The following DENND4A variants were observed in gnomAD, a reference collection of about 807,000 sequenced individuals.
DENND4A encodes C-myc promoter-binding protein.
In DENND4A, 70 loss-of-function variants were observed where a neutral mutation model predicts 199.3. The observed-to-expected ratio is 0.35, with a 90% confidence interval of 0.29 to 0.43. The LOEUF is 0.43. DENND4A is among the 20% of genes least tolerant of loss of function. DENND4A has a pLI of 1.00. For synonymous variants in DENND4A, 686 were observed against 766.9 expected (o/e 0.89, Z 1.74); for missense variants, 1,723 against 2,255.8 (o/e 0.76, Z 4.78).
At chr15:65,689,157 A>G (rs1375322869) in intron 23 of DENND4A, among the ~76,000 whole-genome samples, 1 of 152,018 alleles carries the variant, frequency 6.6e-6, no homozygotes, top group Non-Finnish European at 1.5e-5. Flanking sequence ...TTCAGTTCTA[A>G]AATTTAGGTT....
At position 65,732,746 on chromosome 15, in the gene DENND4A, C is replaced by A. The variant is rs1369502213; in HGVS notation, c.1107+6G>T. ...GGTCCCCCAATCAAAAACAAAAAAACCTTACCTGAACTAAAATCCGTGGTC... is the reference window on the plus strand; with the variant it reads ...GGTCCCCCAATCAAAAACAAAAAAAACTTACCTGAACTAAAATCCGTGGTC... On this transcript the variant is annotated splice_donor_region_variant and intron_variant, in intron 8 of 32. Transcript: ENST00000443035. 1.3e-6 allele frequency: 2 copies of A among 1,578,276 alleles called. No homozygotes were observed. The highest frequency in any genetic ancestry group is 1.7e-6 in the Non-Finnish European group (2 of 1,151,144).
chr15:65,748,636 C>A lies in DENND4A; in HGVS notation c.561+3743G>T, dbSNP rs372582676. On this transcript the variant is annotated intron_variant, in intron 4 of 32. Coordinates refer to ENST00000443035, the MANE Select transcript of DENND4A (RefSeq NM_001320835.1). Reference sequence around the variant, plus strand: ...GATCCTGTCTCTAAAAAAAAAAAAACAAACAAAAAAAACAAAGAAAAAGAA... The same window carrying A: ...GATCCTGTCTCTAAAAAAAAAAAAAAAAACAAAAAAAACAAAGAAAAAGAA... Among the ~76,000 whole-genome samples, 33 of 140,890 alleles carry A rather than the reference C, an allele frequency of 2.3e-4. 1 individual carries two copies. Among genetic ancestry groups the A allele is most frequent in the Non-Finnish European group, 3.6e-4 (23 of 64,418 alleles). 92.4% of individuals were successfully genotyped at this position (140,890 alleles called of 152,430 possible). A position where few individuals can be genotyped will look rare whatever the true frequency, so the allele number is the denominator to read the frequency against.
intron 1 of DENND4A, among the ~76,000 whole-genome samples, chr15:65,781,168 C>T (rs529400358): frequency 2.0e-5 from 3 of 152,180 alleles, no homozygotes; most frequent in South Asian, 2.1e-4. Flanking sequence ...AGAAATAGTA[C>T]GTATATTCAG....
At chr15:65,684,378 GTCA>G (rs753717368) in intron 23 of DENND4A, among the ~76,000 whole-genome samples, 1 of 152,174 alleles carries the variant, frequency 6.6e-6, no homozygotes, top group Non-Finnish European at 1.5e-5. Context: ...CCCTCCACTT[GTCA>G]TCATCTTTTG....
At chr15:65,761,620 A>C (rs2076851146) in intron 1 of DENND4A, among the ~76,000 whole-genome samples, 182 bp from the exon 2 acceptor site, 2 of 152,176 alleles carry the variant, frequency 1.3e-5, no homozygotes, top group Non-Finnish European at 2.9e-5. Context: ...GTAAAGAATA[A>C]ATACATACTT....
intron 23 of DENND4A, among the ~76,000 whole-genome samples, chr15:65,678,612 TCAAA>T (rs1383505523): frequency 2.0e-5 from 3 of 152,254 alleles, no homozygotes; most frequent in Admixed American, 6.5e-5. Flanking sequence ...CCTTACCAGT[TCAAA>T]CAGTTTTTCA....
At chr15:65,712,922 A>G (rs935105488) in intron 14 of DENND4A, among the ~76,000 whole-genome samples, 1 of 152,192 alleles carries the variant, frequency 6.6e-6, no homozygotes, top group East Asian at 1.9e-4. Context: ...GGAAAATTTA[A>G]GCACAGTATA....
At chr15:65,714,141 G>C (rs1387046783) in intron 14 of DENND4A, among the ~76,000 whole-genome samples, 1 of 152,132 alleles carries the variant, frequency 6.6e-6, no homozygotes, top group Non-Finnish European at 1.5e-5. Flanking sequence ...GCCGGGTGCA[G>C]TGGCTTATGT....
rs763902936 is a variant in DENND4A at position 65,669,771 on chromosome 15, A to G, written c.4787+8T>C. On this transcript the variant is annotated splice_region_variant and intron_variant, in intron 27 of 32. Coordinates refer to ENST00000443035, the MANE Select transcript of DENND4A (RefSeq NM_001320835.1). ...TGTTAAAATATAGTTCCACATAATC[A>G]TAATTACCTATTTAGATCAAAATTC... 1.9e-6 allele frequency: 3 copies of G among 1,600,090 alleles called. No homozygotes were observed. The highest frequency in any genetic ancestry group is 1.7e-5 in the Admixed American group (1 of 58,910).
intron 5 of DENND4A, 75 bp from the exon 6 acceptor site, chr15:65,738,950 G>T: frequency 1.7e-6 from 2 of 1,157,712 alleles, no homozygotes; most frequent in Non-Finnish European, 2.4e-6. Flanking sequence ...ATGATAAAAT[G>T]CTTTGTTATT....
intron 12 of DENND4A, chr15:65,719,159 T>C (rs895362457): frequency 6.6e-6 from 1 of 151,958 alleles, no homozygotes. Flanking sequence ...TTTTATATAA[T>C]ACATATATAT....
At position 65,691,373 on chromosome 15, in the gene DENND4A, C is replaced by A. The variant is rs1249844134; in HGVS notation, c.3221G>T (p.Arg1074Ile). 7 of 1,613,464 alleles carry A rather than the reference C, an allele frequency of 4.3e-6. No individual in the cohort carries two copies. The highest frequency in any genetic ancestry group is 5.9e-6 in the Non-Finnish European group (7 of 1,179,730). ...NLQQQVVWGN[R>I]NRNLSGGVLM... ...TACCCCTCCACTAAGATTACGGTTT[C>A]TATTTCCCCAGACCACTTGCTGCTG... The change falls in exon 23 of 33, where the codon AGA (arginine) becomes ATA (isoleucine). Residue 1074 changes from arginine (R) to isoleucine (I), a missense_variant. By Grantham distance (97) the Arg-to-Ile change is moderately conservative (BLOSUM62 -3). Around this residue, in one of 6 missense-constraint regions of DENND4A, gnomAD observed 650 missense variants for 738.1 expected, o/e 0.88. Coordinates refer to ENST00000443035, the MANE Select transcript of DENND4A (RefSeq NM_001320835.1).
chr15:65,729,009 C>G (rs2075887419), intron 11 of DENND4A, 63 bp downstream of exon 11: 1 of 1,386,940 alleles, frequency 7.2e-7, no homozygotes. Flanking sequence ...ATAAAATATA[C>G]AGTTACATAC....
In DENND4A at chr15:65,715,468, T is replaced by C; in HGVS notation, c.1953+10A>G. 1.9e-6 allele frequency: 3 copies of C among 1,603,162 alleles called. No individual in the cohort carries two copies. Among genetic ancestry groups the C allele is most frequent in the Non-Finnish European group, 2.5e-6 (3 of 1,177,122 alleles). On this transcript the variant is annotated intron_variant, in intron 14 of 32. Coordinates refer to ENST00000443035, the MANE Select transcript of DENND4A (RefSeq NM_001320835.1). ...ATAAGTTAGGGCATTGTAGATGTAC[T>C]GTTACTTACTTTATCTACACAATCA...
intron 4 of DENND4A, among the ~76,000 whole-genome samples, chr15:65,749,268 T>C (rs1378531419): frequency 6.6e-6 from 1 of 152,160 alleles, no homozygotes; most frequent in Non-Finnish European, 1.5e-5. Flanking sequence ...GCAACCTGAA[T>C]TGGATCTTGC....
At chr15:65,768,904 G>T (rs1347832728) in intron 1 of DENND4A, among the ~76,000 whole-genome samples, 1 of 151,690 alleles carries the variant, frequency 6.6e-6, no homozygotes, top group Non-Finnish European at 1.5e-5. Context: ...TGAGACAGGA[G>T]AATTGCTTCA....
At chr15:65,754,508 T>C (rs2140653053) in intron 3 of DENND4A, among the ~76,000 whole-genome samples, 1 of 152,330 alleles carries the variant, frequency 6.6e-6, no homozygotes. Flanking sequence ...ACAGAAAATA[T>C]TTGTAAATCA....
intron 22 of DENND4A, among the ~76,000 whole-genome samples, chr15:65,693,236 G>T (rs2077033936): frequency 6.6e-6 from 1 of 152,094 alleles, no homozygotes; most frequent in African/African-American, 2.4e-5. Context: ...TAGTTTTTGA[G>T]GGTTTTTGGA....
At chr15:65,757,644 T>A (rs1330476573) in intron 2 of DENND4A, among the ~76,000 whole-genome samples, 1 of 152,146 alleles carries the variant, frequency 6.6e-6, no homozygotes, top group Non-Finnish European at 1.5e-5. Context: ...TTAAACCATA[T>A]GGATGGTCCC....
Sources: gnomAD v4.1 joint callset for allele counts (sites outside exome capture counted in the v4.1 genomes callset) on GRCh38, gnomAD v4.1.1 for gene constraint, gnomAD v4.1.1 regional missense constraint, MANE v1.5 for transcripts, NCBI Gene and HGNC (gene_info 2026-07-23, HGNC 2026-07-21) for gene names.